Variants in DHX33 observed in about 807,000 individuals in gnomAD.
DHX33 encodes DEAH-box helicase 33.
Under a neutral mutation model 72.5 loss-of-function variants are expected in DHX33, and 42 were observed. The observed-to-expected ratio is 0.58, with a 90% confidence interval of 0.45 to 0.75. The LOEUF (loss-of-function observed/expected upper bound fraction) is 0.75. DHX33 is among the 30% of genes least tolerant of loss of function. The pLI, the probability that DHX33 is intolerant of heterozygous loss-of-function variation, is 0.00. For missense variants in DHX33, 842 were observed against 917.5 expected (o/e 0.92, Z 1.06); for synonymous variants, 358 against 366.1 (o/e 0.98, Z 0.25).
Position 5,453,531 on chromosome 17 carries a change from G to A in DHX33, c.1396+49C>T, listed in dbSNP as rs1917046971. 2.0e-6 allele frequency: 3 copies of A among 1,472,456 alleles called. No homozygotes were observed. The South Asian group carries it at 3.4e-5, about 17-fold the overall frequency. The allele number at this position is 1,472,456 out of a possible 1,614,324, so 91.2% of individuals were successfully genotyped here. Reference sequence around the variant, plus strand: ...ATTTTTTTGGAAGTGTCCATTTGTTGTTGTTTGTCTCCTCACCCACCTTCT... The same window carrying A: ...ATTTTTTTGGAAGTGTCCATTTGTTATTGTTTGTCTCCTCACCCACCTTCT... On this transcript the variant is annotated intron_variant, in intron 8 of 11. Coordinates refer to ENST00000225296, the MANE Select transcript of DHX33 (RefSeq NM_020162.4).
Position 5,443,026 on chromosome 17 carries a change from T to C in DHX33, c.*1179A>G, listed in dbSNP as rs1429610541. ...CCCTACGAAGAAGGAAAAAATATCA[T>C]AGAAAATTAATAAGATGCAAGAATA... is the stretch of plus-strand genomic sequence containing the variant. On this transcript the variant is annotated 3_prime_UTR_variant, in exon 12 of 12. Coordinates refer to ENST00000225296, the MANE Select transcript of DHX33 (RefSeq NM_020162.4). 3 of 151,936 alleles carry C rather than the reference T, an allele frequency of 2.0e-5. No homozygotes were observed. Among genetic ancestry groups the C allele is most frequent in the Non-Finnish European group, 2.9e-5 (2 of 67,970 alleles). 9.4% of individuals were successfully genotyped at this position (151,936 alleles called of 1,614,324 possible).
Position 5,468,952 on chromosome 17 carries a change from C to T in DHX33, c.-93G>A, listed in dbSNP as rs1905012150. The T allele has an allele frequency of 7.9e-7, 1 of 1,270,034 alleles. No individual in the cohort carries two copies. The highest frequency in any genetic ancestry group is 1.1e-6 in the Non-Finnish European group (1 of 922,842). The allele number at this position is 1,270,034 out of a possible 1,614,324, so 78.7% of individuals were successfully genotyped here. On this transcript the variant is annotated 5_prime_UTR_variant, in exon 1 of 12. Transcript: ENST00000225296. ...CAGGAGCACACCGCCCCTTCCTCGCCGCCACGTGCTGGCGGCTCCCGGCGA... is the reference window on the plus strand; with the variant it reads ...CAGGAGCACACCGCCCCTTCCTCGCTGCCACGTGCTGGCGGCTCCCGGCGA...
intron 4 of DHX33, among the ~76,000 whole-genome samples, chr17:5,457,269 C>T (rs2151688526): frequency 6.6e-6 from 1 of 152,216 alleles, no homozygotes; most frequent in Non-Finnish European, 1.5e-5. Flanking sequence ...GATTGCATCA[C>T]TGCACTCCAA....
At chr17:5,464,556 T>G (rs1444090156) in intron 1 of DHX33, among the ~76,000 whole-genome samples, 1 of 152,162 alleles carries the variant, frequency 6.6e-6, no homozygotes, top group Non-Finnish European at 1.5e-5. Context: ...GACCCACAAT[T>G]CTACTTGCAG....
intron 1 of DHX33, among the ~76,000 whole-genome samples, 175 bp from the exon 2 acceptor site, chr17:5,463,864 A>G (rs1364698752): frequency 6.6e-6 from 1 of 150,878 alleles, no homozygotes; most frequent in African/African-American, 2.4e-5. Flanking sequence ...CAACAACAAC[A>G]ACAATTAGCC....
At chr17:5,457,957 G>A (rs892767661) in intron 4 of DHX33, among the ~76,000 whole-genome samples, 2 of 152,186 alleles carry the variant, frequency 1.3e-5, no homozygotes, top group Non-Finnish European at 2.9e-5. Context: ...AAAAGGCAAT[G>A]AGAGATGAGG....
Position 5,444,040 on chromosome 17 carries a change from G to A in DHX33, c.*165C>T. 1.4e-6 allele frequency: 1 copy of A among 733,728 alleles called. No homozygotes were observed. The highest frequency in any genetic ancestry group is 2.2e-6 in the Non-Finnish European group (1 of 458,058). The allele number at this position is 733,728 out of a possible 1,614,324, so 45.5% of individuals were successfully genotyped here. ...ACAAATGATATGTCCATGTCTATATGGTTCAGTCCCAGGAGTTGAGCAAAG... is the reference window on the plus strand; with the variant it reads ...ACAAATGATATGTCCATGTCTATATAGTTCAGTCCCAGGAGTTGAGCAAAG... On this transcript the variant is annotated 3_prime_UTR_variant, in exon 12 of 12. Coordinates refer to ENST00000225296, the MANE Select transcript of DHX33 (RefSeq NM_020162.4). The surrounding 1 kb of genome is among the most constrained non-coding windows in gnomAD (Gnocchi z 4.9).
chr17:5,465,084 G>A (rs1328856225), intron 1 of DHX33, among the ~76,000 whole-genome samples: 1 of 152,202 alleles, frequency 6.6e-6, no homozygotes, highest in African/African-American at 2.4e-5. Flanking sequence ...GTGTACTTGA[G>A]TATTTTGCAT....
chr17:5,453,898 G>A lies in DHX33; in HGVS notation c.1230C>T (p.Asp410=). The change falls in exon 7 of 12, where the codon GAC becomes GAT. Residue 410 remains aspartate, a synonymous_variant. Coordinates refer to ENST00000225296, the MANE Select transcript of DHX33 (RefSeq NM_020162.4). ...TGTAGAGCCGGTAGCAGATGCCACTGTCCTCTCTGCCAGCCCTCCCTGTGC... is the reference window on the plus strand; with the variant it reads ...TGTAGAGCCGGTAGCAGATGCCACTATCCTCTCTGCCAGCCCTCCCTGTGC... The part of the protein sequence containing the change: ...WQRTGRAGRE[D]SGICYRLYTE... 6.3e-7 allele frequency: 1 copy of A among 1,598,992 alleles called. No homozygotes were observed. Among genetic ancestry groups the A allele is most frequent in the Non-Finnish European group, 8.5e-7 (1 of 1,173,348 alleles).
At chr17:5,449,892 A>T (rs1252899962) in intron 10 of DHX33, among the ~76,000 whole-genome samples, 1 of 152,254 alleles carries the variant, frequency 6.6e-6, no homozygotes, top group Non-Finnish European at 1.5e-5. Context: ...CTTGGCACAG[A>T]GTAAGTACTC....
intron 6 of DHX33, among the ~76,000 whole-genome samples, chr17:5,454,659 T>C (rs994308221): frequency 1.3e-5 from 2 of 152,174 alleles, no homozygotes; most frequent in Admixed American, 6.5e-5. Flanking sequence ...TCTCAAATCC[T>C]CTGTGGAATA....
chr17:5,460,565 G>A (rs1471092567), intron 4 of DHX33, among the ~76,000 whole-genome samples: 1 of 150,232 alleles, frequency 6.7e-6, no homozygotes, highest in Non-Finnish European at 1.5e-5. Context: ...GGAGTGCAGT[G>A]GTGCAATCTC....
At chr17:5,460,031 T>C (rs76697792) in intron 4 of DHX33, among the ~76,000 whole-genome samples, 1 of 147,798 alleles carries the variant, frequency 6.8e-6, no homozygotes, top group East Asian at 1.9e-4. Context: ...TTTTTTTTTT[T>C]TGAGACAGAC....
rs766661788 is a variant in DHX33, at chr17:5,450,216, A to C, written c.1715T>G (p.Leu572Arg). 6.2e-6 allele frequency: 10 copies of C among 1,614,114 alleles called. No individual in the cohort carries two copies. The African/African-American group carries it at 9.3e-5, about 15-fold the overall frequency. The change falls in exon 10 of 12, where the codon CTA (leucine) becomes CGA (arginine). Residue 572 changes from leucine (L) to arginine (R), a missense_variant. Coordinates refer to ENST00000225296, the MANE Select transcript of DHX33 (RefSeq NM_020162.4). ...GACAAGGCTCACCTTATTTCCGCCT[A>C]GGTTTTTGAAGGTCCGATAGATATT... ...LLNIYRTFKN[L>R]GGNKDWCKEN...
intron 4 of DHX33, among the ~76,000 whole-genome samples, chr17:5,457,942 G>C (rs569010979): frequency 6.6e-6 from 1 of 152,298 alleles, no homozygotes; most frequent in East Asian, 1.9e-4. Context: ...CACTGTCTTA[G>C]AAAGAAAAGG....
rs1438676149 is a variant in DHX33, at chr17:5,440,926, C to G, written c.*3279G>C. ...AGCCACACACATCATATACAAGATT[C>G]ATTTTTAATGGATTTGATCGTCGGG... On this transcript the variant is annotated 3_prime_UTR_variant, in exon 12 of 12. Coordinates refer to ENST00000225296, the MANE Select transcript of DHX33 (RefSeq NM_020162.4). 6.6e-6 allele frequency: 1 copy of G among 152,208 alleles called. No individual in the cohort carries two copies. The highest frequency in any genetic ancestry group is 2.4e-5 in the African/African-American group (1 of 41,452). 9.4% of individuals were successfully genotyped at this position (152,208 alleles called of 1,614,324 possible). A position where few individuals can be genotyped will look rare whatever the true frequency, so the allele number is the denominator to read the frequency against.
chr17:5,455,925 AGG>A, intron 5 of DHX33, 70 bp downstream of exon 5: 1 of 1,484,408 alleles, frequency 6.7e-7, no homozygotes, highest in African/African-American at 1.4e-5. Flanking sequence ...GCCTGGTAAC[AGG>A]TACAGACCTC....
In DHX33 at chr17:5,461,009, A is replaced by G; in HGVS notation, c.779T>C (p.Val260Ala). 1.2e-6 allele frequency: 2 copies of G among 1,614,098 alleles called. No individual in the cohort carries two copies. Among genetic ancestry groups the G allele is most frequent in the South Asian group, 2.2e-5 (2 of 91,074 alleles). ...ATTCTGAGGCTGTTTGGTGTAAAAC[A>G]CCTGGATCGGATGCTGCCGACCCTC... Reference protein sequence around the residue: ...YLEGRQHPIQVFYTKQPQNDY... With the variant: ...YLEGRQHPIQAFYTKQPQNDY... Residue 260 changes from valine (V) to alanine (A), a missense_variant, in exon 4 of 12, where the codon GTG becomes GCG. By Grantham distance (64) the Val-to-Ala change is moderately conservative (BLOSUM62 0). Coordinates refer to ENST00000225296, the MANE Select transcript of DHX33 (RefSeq NM_020162.4).
At chr17:5,448,761 A>G in intron 11 of DHX33, 48 bp downstream of exon 11, 1 of 1,450,594 alleles carries the variant, frequency 6.9e-7, no homozygotes, top group Non-Finnish European at 9.4e-7. Flanking sequence ...TCTACCTTGA[A>G]CAAAGTGACA....
Sources: allele counts gnomAD v4.1 joint callset (sites outside exome capture counted in the v4.1 genomes callset), GRCh38; gene constraint gnomAD v4.1.1; non-coding constraint Gnocchi (gnomAD v3.1); transcripts MANE v1.5; gene names NCBI Gene and HGNC (gene_info 2026-07-23, HGNC 2026-07-21).